COL24A1: variants seen among roughly 807,000 people sequenced by gnomAD.
COL24A1 encodes collagen alpha-1(XXIV) chain.
Under a neutral mutation model 253.9 loss-of-function variants are expected in COL24A1, and 224 were observed. That is an observed-to-expected ratio of 0.88 (90% CI 0.79 to 0.99). The LOEUF (loss-of-function observed/expected upper bound fraction) is 0.99. Ranked by LOEUF, COL24A1 falls within the 50% of genes least tolerant of loss-of-function variation. The pLI, the probability that COL24A1 is intolerant of heterozygous loss-of-function variation, is 0.00. For missense variants in COL24A1, 2,131 were observed against 2,068.5 expected (o/e 1.03, Z -0.59); for synonymous variants, 685 against 673.7 (o/e 1.02, Z -0.26).
chr1:86,156,026 C>G (rs975869750), intron 1 of COL24A1: 1 of 270,408 alleles, frequency 3.7e-6, no homozygotes, highest in Non-Finnish European at 6.9e-6. Flanking sequence ...CCAGAGAGAT[C>G]GTCGGAGCCC....
intron 55 of COL24A1, among the ~76,000 whole-genome samples, chr1:85,756,111 C>T (rs1666231469): frequency 8.0e-6 from 1 of 125,150 alleles, no homozygotes; most frequent in African/African-American, 3.0e-5. Flanking sequence ...GGGCAAATAA[C>T]TTGAATAGAC....
At chr1:86,056,736 C>T (rs1479319472) in intron 10 of COL24A1, among the ~76,000 whole-genome samples, 1 of 151,752 alleles carries the variant, frequency 6.6e-6, no homozygotes, top group Non-Finnish European at 1.5e-5. Flanking sequence ...TGCCTGTAGT[C>T]CCAGCTACTT....
At chr1:85,792,671 G>T (rs1486280387) in intron 47 of COL24A1, among the ~76,000 whole-genome samples, 5 of 151,894 alleles carry the variant, frequency 3.3e-5, no homozygotes, top group Non-Finnish European at 1.5e-5. Context: ...TCATGCCACT[G>T]CACTCTAGCC....
intron 24 of COL24A1, among the ~76,000 whole-genome samples, chr1:85,934,597 A>C (rs1311950714): frequency 6.6e-6 from 1 of 152,212 alleles, no homozygotes; most frequent in African/African-American, 2.4e-5. Context: ...AATAACTAAA[A>C]TATAAAGTAG....
Position 85,935,992 on chromosome 1 carries a change from C to T in COL24A1, c.2563-24559G>A, listed in dbSNP as rs567907537. Among the ~76,000 whole-genome samples the T allele has an allele frequency of 1.6e-3, 237 of 147,688 alleles. 27 individuals carry two copies. The Middle Eastern group carries it at 0.046, about 29-fold the overall frequency. Reference sequence around the variant, plus strand: ...AAGTCTGGCCATTTGGGCCCAATGTCTGACTACTCTGATGGTCCAAACATT... The same window carrying T: ...AAGTCTGGCCATTTGGGCCCAATGTTTGACTACTCTGATGGTCCAAACATT... On this transcript the variant is annotated intron_variant, in intron 24 of 59. Transcript: ENST00000370571.
At chr1:85,735,591 T>A (rs1281176126) in intron 58 of COL24A1, among the ~76,000 whole-genome samples, 2 of 152,038 alleles carry the variant, frequency 1.3e-5, no homozygotes, top group African/African-American at 4.8e-5. Context: ...ACACAGTGAA[T>A]CGTCAATAAA....
At chr1:85,863,864 C>G (rs12083965) in intron 37 of COL24A1, among the ~76,000 whole-genome samples, 30,206 of 151,946 alleles carry the variant, frequency 0.2, 3,328 homozygotes, top group Non-Finnish European at 0.24. Context: ...TCTCACACCA[C>G]TTAGAATGGC....
chr1:85,889,173 T>A (rs950480050), intron 32 of COL24A1, among the ~76,000 whole-genome samples: 12 of 152,140 alleles, frequency 7.9e-5, no homozygotes, highest in African/African-American at 2.9e-4. Flanking sequence ...CCATCAGATG[T>A]AAAATTTGGC....
At chr1:85,855,271 A>C (rs1173117427) in intron 37 of COL24A1, among the ~76,000 whole-genome samples, 1 of 152,092 alleles carries the variant, frequency 6.6e-6, no homozygotes, top group Admixed American at 6.5e-5. Context: ...TACTATATTA[A>C]GTAGGAGTGG....
chr1:86,010,669 C>T (rs1034536036), intron 19 of COL24A1, among the ~76,000 whole-genome samples: 8 of 152,034 alleles, frequency 5.3e-5, no homozygotes, highest in African/African-American at 1.7e-4. Context: ...GAGTGTTTTT[C>T]ATTGCAAAAT....
chr1:86,069,869 G>A (rs1163940662), intron 7 of COL24A1, among the ~76,000 whole-genome samples: 2 of 152,130 alleles, frequency 1.3e-5, no homozygotes, highest in African/African-American at 4.8e-5. Context: ...GCACAAACAA[G>A]CCCAGACTAT....
At chr1:86,057,761 GT>G (rs1700769975) in intron 10 of COL24A1, among the ~76,000 whole-genome samples, 169 bp downstream of exon 10, 1 of 152,158 alleles carries the variant, frequency 6.6e-6, no homozygotes, top group South Asian at 2.1e-4. Context: ...CAATGAGACT[GT>G]TTTCTGTCAT....
chr1:85,909,798 T>A, intron 26 of COL24A1, 152 bp downstream of exon 26: 1 of 706,652 alleles, frequency 1.4e-6, no homozygotes, highest in Non-Finnish European at 2.5e-6. Flanking sequence ...TCACATAGCA[T>A]TCTGGGAGAT....
Position 86,112,495 on chromosome 1 carries a change from G to A in COL24A1, c.1599+72C>T, listed in dbSNP as rs951422041. 1.4e-5 allele frequency: 18 copies of A among 1,332,040 alleles called. 1 individual carries two copies. In the Admixed American group the frequency reaches 3.2e-4, roughly 24 times the overall value. The allele number at this position is 1,332,040 out of a possible 1,614,324, so 82.5% of individuals were successfully genotyped here. A position where few individuals can be genotyped will look rare whatever the true frequency, so the allele number is the denominator to read the frequency against. On this transcript the variant is annotated intron_variant, in intron 5 of 59. Transcript: ENST00000370571. ...ATCAAGACTTGCCTTAAATGTTAGG[G>A]ATCTTCTTTTTAATATCAGGAAAAT...
intron 5 of COL24A1, among the ~76,000 whole-genome samples, chr1:86,094,670 T>G (rs976839955): frequency 1.3e-5 from 2 of 151,984 alleles, no homozygotes; most frequent in African/African-American, 2.4e-5. Context: ...GGTTGACCTC[T>G]TTTTCATCAT....
chr1:85,812,529 T>C (rs2101892095), intron 47 of COL24A1, among the ~76,000 whole-genome samples: 1 of 152,286 alleles, frequency 6.6e-6, no homozygotes, highest in South Asian at 2.1e-4. Context: ...GAGATACGGA[T>C]CTACATTAAT....
chr1:85,975,542 A>G (rs918969865), intron 20 of COL24A1, among the ~76,000 whole-genome samples: 32 of 152,172 alleles, frequency 2.1e-4, no homozygotes, highest in Admixed American at 2.0e-3. Context: ...GTTCCAACTC[A>G]TATGTGGAAG....
At chr1:86,136,019 G>T (rs1045079809) in intron 2 of COL24A1, among the ~76,000 whole-genome samples, 1 of 152,000 alleles carries the variant, frequency 6.6e-6, no homozygotes, top group Non-Finnish European at 1.5e-5. Flanking sequence ...ATTCTAAATG[G>T]CTTCTAGCCC....
intron 53 of COL24A1, among the ~76,000 whole-genome samples, chr1:85,762,988 T>C (rs890233158): frequency 7.2e-5 from 11 of 152,308 alleles, no homozygotes; most frequent in Admixed American, 2.0e-4. Flanking sequence ...GCAACTCCAA[T>C]GTAACCACAT....
Sources: allele counts gnomAD v4.1 joint callset (sites outside exome capture counted in the v4.1 genomes callset), GRCh38; gene constraint gnomAD v4.1.1; transcripts MANE v1.5; gene names NCBI Gene and HGNC (gene_info 2026-07-23, HGNC 2026-07-21).